The following ARHGAP12 variants were observed in gnomAD, a reference collection of about 807,000 sequenced individuals.
ARHGAP12 encodes the protein Rho GTPase activating protein 12.
Under a neutral mutation model 108.6 loss-of-function variants are expected in ARHGAP12, and 64 were observed. That is an observed-to-expected ratio of 0.59 (90% CI 0.48 to 0.73). The LOEUF (loss-of-function observed/expected upper bound fraction) is 0.73. Among genes scored for constraint, ARHGAP12 ranks in the 30% least tolerant of loss-of-function variants. The pLI is 0.00. For synonymous variants in ARHGAP12, 312 were observed against 337.2 expected (o/e 0.93, Z 0.82); for missense variants, 940 against 1,005.9 (o/e 0.93, Z 0.89).
intron 3 of ARHGAP12, among the ~76,000 whole-genome samples, chr10:31,877,536 T>C (rs1236884874): frequency 1.3e-4 from 20 of 152,214 alleles, no homozygotes; most frequent in Non-Finnish European, 1.5e-5. Flanking sequence ...TTGTACCTGA[T>C]AAACAGATTA....
At chr10:31,876,730 T>G (rs1274699577) in intron 3 of ARHGAP12, among the ~76,000 whole-genome samples, 1 of 152,110 alleles carries the variant, frequency 6.6e-6, no homozygotes, top group Non-Finnish European at 1.5e-5. Context: ...ATATAAAACA[T>G]TCTTCTCATA....
At chr10:31,899,674 T>C (rs1838843273) in intron 3 of ARHGAP12, among the ~76,000 whole-genome samples, 1 of 152,112 alleles carries the variant, frequency 6.6e-6, no homozygotes, top group Non-Finnish European at 1.5e-5. Flanking sequence ...GATGGATATA[T>C]GCAAAGAAAA....
At chr10:31,896,308 GAA>G (rs758692591) in intron 3 of ARHGAP12, among the ~76,000 whole-genome samples, 7 of 94,772 alleles carry the variant, frequency 7.4e-5, no homozygotes, top group African/African-American at 1.3e-4. Flanking sequence ...TTTTTACTTT[GAA>G]AAAAAAAAAA....
intron 3 of ARHGAP12, among the ~76,000 whole-genome samples, chr10:31,888,214 C>A (rs1192053039): frequency 6.6e-6 from 1 of 152,140 alleles, no homozygotes; most frequent in Non-Finnish European, 1.5e-5. Context: ...CTCCCTTATT[C>A]TGGGAACAAC....
At chr10:31,812,048 A>G (rs1835042183) in intron 15 of ARHGAP12, among the ~76,000 whole-genome samples, 1 of 152,162 alleles carries the variant, frequency 6.6e-6, no homozygotes, top group South Asian at 2.1e-4. Flanking sequence ...ATAATCAGAG[A>G]CAGAGATATA....
intron 3 of ARHGAP12, among the ~76,000 whole-genome samples, chr10:31,878,585 T>A (rs959558122): frequency 6.6e-6 from 1 of 152,240 alleles, no homozygotes; most frequent in African/African-American, 2.4e-5. Context: ...ATGCAGCAGT[T>A]CCCTATATTC....
chr10:31,861,099 G>A (rs1837095926), intron 4 of ARHGAP12, among the ~76,000 whole-genome samples: 1 of 152,146 alleles, frequency 6.6e-6, no homozygotes, highest in Non-Finnish European at 1.5e-5. Flanking sequence ...ATCGGCTTGT[G>A]CAGTAACAAC....
At chr10:31,908,031 C>T (rs1592369138) in intron 3 of ARHGAP12, 141 bp downstream of exon 3, 2 of 753,618 alleles carry the variant, frequency 2.7e-6, no homozygotes, top group East Asian at 2.9e-5. Context: ...TTTTCTAGAT[C>T]TCTAAATCAG....
At chr10:31,809,800 A>G (rs903553260) in intron 16 of ARHGAP12, 1 of 152,344 alleles carries the variant, frequency 6.6e-6, no homozygotes, top group Non-Finnish European at 1.5e-5. Flanking sequence ...ACAATACATA[A>G]TTTGCTATAA....
chr10:31,854,520 T>C (rs1292188235), intron 4 of ARHGAP12, among the ~76,000 whole-genome samples: 2 of 152,078 alleles, frequency 1.3e-5, no homozygotes, highest in Non-Finnish European at 2.9e-5. Flanking sequence ...AAATCAAGTT[T>C]AAAAATGAGA....
chr10:31,860,205 T>C (rs1175660236), intron 4 of ARHGAP12, among the ~76,000 whole-genome samples: 2 of 151,412 alleles, frequency 1.3e-5, no homozygotes, highest in African/African-American at 2.4e-5. Flanking sequence ...AAGAAGGGAG[T>C]TATTAACTAC....
At chr10:31,875,012 A>T (rs1442222920) in intron 3 of ARHGAP12, among the ~76,000 whole-genome samples, 1 of 147,650 alleles carries the variant, frequency 6.8e-6, no homozygotes, top group Non-Finnish European at 1.5e-5. Context: ...ATTTTCACAC[A>T]CATACTCATG....
At chr10:31,883,468 TG>T (rs1838063021) in intron 3 of ARHGAP12, among the ~76,000 whole-genome samples, 1 of 152,242 alleles carries the variant, frequency 6.6e-6, no homozygotes, top group African/African-American at 2.4e-5. Flanking sequence ...CTGCATAACA[TG>T]CTTGAAGAAC....
chr10:31,863,971 G>A (rs1246739608), intron 3 of ARHGAP12, among the ~76,000 whole-genome samples: 5 of 151,774 alleles, frequency 3.3e-5, no homozygotes, highest in East Asian at 1.9e-4. Context: ...AGTATATTAT[G>A]GTCTATAAGG....
chr10:31,835,341 G>A (rs1295631458), intron 9 of ARHGAP12, among the ~76,000 whole-genome samples: 1 of 151,758 alleles, frequency 6.6e-6, no homozygotes, highest in African/African-American at 2.4e-5. Context: ...AATATCTTAA[G>A]TCCCATAAAA....
chr10:31,841,152 A>G (rs1836249049), intron 7 of ARHGAP12, among the ~76,000 whole-genome samples: 1 of 152,144 alleles, frequency 6.6e-6, no homozygotes, highest in Middle Eastern at 3.2e-3. Flanking sequence ...ACAAGAAATA[A>G]TTTTACATGT....
chr10:31,846,132 TA>T (rs34809270), intron 6 of ARHGAP12, among the ~76,000 whole-genome samples: 70,196 of 151,916 alleles, frequency 0.46, 16,501 homozygotes, highest in Middle Eastern at 0.51. Context: ...TCAAGTGGAA[TA>T]ATAGAAACCC....
In ARHGAP12 at chr10:31,895,498, C is replaced by G. The variant is rs553251664; in HGVS notation, c.684+12674G>C. Among the ~76,000 whole-genome samples, 191 of 152,298 alleles carry G rather than the reference C, an allele frequency of 1.3e-3. 2 individuals carry two copies. The highest frequency in any genetic ancestry group is 6.4e-3 in the South Asian group (31 of 4,832). On this transcript the variant is annotated intron_variant, in intron 3 of 19. Coordinates refer to ENST00000344936, the MANE Select transcript of ARHGAP12 (RefSeq NM_018287.7). ...CAACAGACACATGAAAAAATGCTCA[C>G]CATCACTGGCCATCAGAGAAATGCA...
chr10:31,815,266 C>T (rs1051982141), intron 13 of ARHGAP12, among the ~76,000 whole-genome samples: 4 of 152,134 alleles, frequency 2.6e-5, no homozygotes, highest in Non-Finnish European at 5.9e-5. Context: ...GATCTTTACT[C>T]CACCTGGAAT....
Sources: gnomAD v4.1 joint callset for allele counts (sites outside exome capture counted in the v4.1 genomes callset) on GRCh38, gnomAD v4.1.1 for gene constraint, MANE v1.5 for transcripts, NCBI Gene and HGNC (gene_info 2026-07-23, HGNC 2026-07-21) for gene names.